FAM227A: variants seen among roughly 807,000 people sequenced by gnomAD.
FAM227A encodes protein FAM227A.
In FAM227A, 80 loss-of-function variants were observed where a neutral mutation model predicts 74.7. The ratio of observed to expected loss-of-function variants is 1.07; its 90% CI spans 0.89 to 1.29. FAM227A has a LOEUF of 1.29. FAM227A is among the 50% of genes most tolerant of loss of function. FAM227A has a pLI of 0.00. For missense variants in FAM227A, 654 were observed against 683.4 expected (o/e 0.96, Z 0.48); for synonymous variants, 237 against 241.8 (o/e 0.98, Z 0.19).
intron 9 of FAM227A, 54 bp downstream of exon 9, chr22:38,626,126 C>T (rs759147092): frequency 5.8e-6 from 9 of 1,539,580 alleles, no homozygotes; most frequent in East Asian, 4.9e-5. Flanking sequence ...TAGGTGCCAG[C>T]GGAAAACATT....
In FAM227A at chr22:38,638,900, T is replaced by G. The variant is rs1396504066; in HGVS notation, c.296-78A>C. The G allele has an allele frequency of 8.7e-6, 8 of 916,682 alleles. No individual in the cohort carries two copies. The Admixed American group carries it at 2.5e-4, about 28-fold the overall frequency. The allele number at this position is 916,682 out of a possible 1,614,324, so 56.8% of individuals were successfully genotyped here. On this transcript the variant is annotated intron_variant, in intron 4 of 16. Transcript: ENST00000535113. ...GCTGTGCGGTGCTTACAACTGTGCTTTTTCATTCCACTTGAGCTGCCAGAG... is the reference window on the plus strand; with the variant it reads ...GCTGTGCGGTGCTTACAACTGTGCTGTTTCATTCCACTTGAGCTGCCAGAG...
At chr22:38,622,530 C>T (rs972693082) in intron 10 of FAM227A, among the ~76,000 whole-genome samples, 2 of 152,156 alleles carry the variant, frequency 1.3e-5, no homozygotes, top group African/African-American at 4.8e-5. Context: ...TTAGTTTCCT[C>T]ATCCGTGAAG....
chr22:38,639,741 A>G lies in FAM227A; in HGVS notation c.226-17T>C. 3 of 1,502,276 alleles carry G rather than the reference A, an allele frequency of 2.0e-6. No individual in the cohort carries two copies. The highest frequency in any genetic ancestry group is 2.7e-6 in the Non-Finnish European group (3 of 1,101,910). The allele number at this position is 1,502,276 out of a possible 1,614,324, so 93.1% of individuals were successfully genotyped here. A position where few individuals can be genotyped will look rare whatever the true frequency, so the allele number is the denominator to read the frequency against. On this transcript the variant is annotated splice_polypyrimidine_tract_variant and intron_variant, in intron 3 of 16. Transcript: ENST00000535113. ...CTCAATTGCCTTCAAAAACCAAGAA[A>G]AAGGGGGGCATTAGGGATTAATGCA... is the stretch of plus-strand genomic sequence containing the variant.
intron 4 of FAM227A, among the ~76,000 whole-genome samples, chr22:38,639,337 A>C (rs1407575358): frequency 6.8e-6 from 1 of 147,432 alleles, no homozygotes. Flanking sequence ...TGAACCCGGG[A>C]GGCGGAGGTT....
chr22:38,626,407 G>A (rs1438771110), intron 8 of FAM227A, 104 bp from the exon 9 acceptor site: 1 of 1,356,940 alleles, frequency 7.4e-7, no homozygotes, highest in Non-Finnish European at 9.8e-7. Context: ...AGTTTTTGTT[G>A]TTGTTGTTGT....
chr22:38,646,913 G>A (rs1461739135), intron 2 of FAM227A, among the ~76,000 whole-genome samples: 1 of 151,986 alleles, frequency 6.6e-6, no homozygotes, highest in Non-Finnish European at 1.5e-5. Flanking sequence ...CACTTTGGGA[G>A]GCTGAGGCGG....
intron 11 of FAM227A, chr22:38,618,389 T>C (rs1395739539): frequency 3.9e-5 from 6 of 152,210 alleles, no homozygotes; most frequent in Non-Finnish European, 7.3e-5. Context: ...TTCTCCCATA[T>C]ATTTACCTTC....
In FAM227A at chr22:38,582,964, AGG is replaced by A; in HGVS notation, c.*3159_*3160del. ...GTGATGTTGGCAGTTAACAAAGAGG[AGG>A]GAGGAGAAGGCATTTTCAGGTCCAG... On this transcript the variant is annotated 3_prime_UTR_variant, in exon 17 of 17. Coordinates refer to ENST00000535113, the MANE Select transcript of FAM227A (RefSeq NM_001013647.2). 6.5e-7 allele frequency: 1 copy of A among 1,549,906 alleles called. No individual in the cohort carries two copies. The highest frequency in any genetic ancestry group is 8.7e-7 in the Non-Finnish European group (1 of 1,146,664).
At chr22:38,655,551 G>A (rs1245015279) in intron 1 of FAM227A, among the ~76,000 whole-genome samples, 6 of 152,032 alleles carry the variant, frequency 3.9e-5, no homozygotes, top group South Asian at 2.1e-4. Context: ...AATGGAAGCA[G>A]TGCAAATTTA....
Position 38,597,155 on chromosome 22 carries a change from G to A in FAM227A, c.1532+49C>T, listed in dbSNP as rs1483715881. ...TTAAAAATGATGATGATCGTGTGCT[G>A]CAAAAGATAAGTGCGGAACAACGGC... On this transcript the variant is annotated intron_variant, in intron 15 of 16. Transcript: ENST00000535113. 6 of 1,532,240 alleles carry A rather than the reference G, an allele frequency of 3.9e-6. No homozygotes were observed. The African/African-American group carries it at 6.9e-5, about 18-fold the overall frequency. 94.9% of individuals were successfully genotyped at this position (1,532,240 alleles called of 1,614,324 possible).
At position 38,582,305 on chromosome 22, in the gene FAM227A, A is replaced by C. The variant is rs1188181938; in HGVS notation, c.*3820T>G. ...ACATTTCATCATCAATTCATAAGCA[A>C]TTCAAAATCAGGACTATAGGATTTT... is the stretch of plus-strand genomic sequence containing the variant. On this transcript the variant is annotated 3_prime_UTR_variant, in exon 17 of 17. Coordinates refer to ENST00000535113, the MANE Select transcript of FAM227A (RefSeq NM_001013647.2). 1 of 1,531,176 alleles carries C rather than the reference A, an allele frequency of 6.5e-7. No homozygotes were observed. Among genetic ancestry groups the C allele is most frequent in the African/African-American group, 1.4e-5 (1 of 72,724 alleles). 94.8% of individuals were successfully genotyped at this position (1,531,176 alleles called of 1,614,324 possible).
intron 11 of FAM227A, among the ~76,000 whole-genome samples, chr22:38,611,638 G>A (rs945573761): frequency 6.6e-6 from 1 of 152,088 alleles, no homozygotes; most frequent in Non-Finnish European, 1.5e-5. Flanking sequence ...TAACTGATAG[G>A]TGCATCACTT....
At chr22:38,598,074 C>G (rs2091089209) in intron 14 of FAM227A, among the ~76,000 whole-genome samples, 1 of 147,952 alleles carries the variant, frequency 6.8e-6, no homozygotes, top group African/African-American at 2.6e-5. Context: ...AATTCTCCCT[C>G]TGCTCTGCCC....
chr22:38,626,735 G>A (rs1413502175), intron 8 of FAM227A, among the ~76,000 whole-genome samples: 3 of 150,528 alleles, frequency 2.0e-5, no homozygotes, highest in Non-Finnish European at 4.4e-5. Flanking sequence ...ATAGCTGGGT[G>A]TGGTGGTGCA....
At chr22:38,606,519 A>C (rs2091287799) in intron 12 of FAM227A, among the ~76,000 whole-genome samples, 1 of 152,050 alleles carries the variant, frequency 6.6e-6, no homozygotes, top group African/African-American at 2.4e-5. Context: ...AACTTCAAAA[A>C]AGAGTGTGGC....
At position 38,636,597 on chromosome 22, in the gene FAM227A, T is replaced by G; in HGVS notation, c.373A>C (p.Lys125Gln). Reference sequence around the variant, plus strand: ...GCCAGCAGATTTTTATCTGCTGTTTTCTGAAGCAAAAGAGCAGAATATGAA... The same window carrying G: ...GCCAGCAGATTTTTATCTGCTGTTTGCTGAAGCAAAAGAGCAGAATATGAA... ...RHARSSVIKR[K>Q]TADKNLLAEL... Residue 125 changes from lysine (K) to glutamine (Q), a missense_variant and splice_region_variant, in exon 6 of 17, where the codon AAA becomes CAA. Physicochemically the swap from Lys to Gln is moderately conservative, Grantham distance 53. Transcript: ENST00000535113. The G allele has an allele frequency of 1.3e-6, 2 of 1,550,764 alleles. No homozygotes were observed. The highest frequency in any genetic ancestry group is 1.7e-6 in the Non-Finnish European group (2 of 1,146,696).
chr22:38,628,244 G>A lies in FAM227A; in HGVS notation c.720C>T (p.Leu240=), dbSNP rs1326501537. 1 of 1,541,660 alleles carries A rather than the reference G, an allele frequency of 6.5e-7. No homozygotes were observed. The highest frequency in any genetic ancestry group is 1.2e-5 in the South Asian group (1 of 83,848). Residue 240 remains leucine (L), a synonymous_variant, in exon 8 of 17, where the codon CTC becomes CTT. Transcript: ENST00000535113. ...RVPKSHSEEA[L]LKRLPSLLSK... ...GATAGTGGCTGATGCTCACTTTTAA[G>A]AGCGCCTCTTCAGAGTGGGACTTGG...
At chr22:38,641,180 G>T (rs990287820) in intron 3 of FAM227A, among the ~76,000 whole-genome samples, 1 of 152,096 alleles carries the variant, frequency 6.6e-6, no homozygotes, top group Non-Finnish European at 1.5e-5. Context: ...GGGAAAGATG[G>T]TAAGACCAGC....
chr22:38,591,140 C>T (rs2090924372), intron 16 of FAM227A, among the ~76,000 whole-genome samples: 1 of 152,096 alleles, frequency 6.6e-6, no homozygotes, highest in East Asian at 1.9e-4. Flanking sequence ...GCCTGGGCAA[C>T]ATAGTGATAC....
Sources: gnomAD v4.1 joint callset for allele counts (sites outside exome capture counted in the v4.1 genomes callset) on GRCh38, gnomAD v4.1.1 for gene constraint, MANE v1.5 for transcripts, NCBI Gene and HGNC (gene_info 2026-07-23, HGNC 2026-07-21) for gene names.